The following PDE1C variants were observed in gnomAD, a reference collection of about 807,000 sequenced individuals.
PDE1C encodes phosphodiesterase 1C.
In PDE1C, 62 loss-of-function variants were observed where a neutral mutation model predicts 93.1. That is an observed-to-expected ratio of 0.67 (90% confidence interval 0.54 to 0.82). The LOEUF (loss-of-function observed/expected upper bound fraction) is 0.82. Ranked by LOEUF, PDE1C falls within the 40% of genes least tolerant of loss-of-function variation. The probability of loss-of-function intolerance (pLI) is 0.00; values close to 1 mark genes in which losing one functional copy is unlikely to be tolerated. For missense variants in PDE1C, 742 were observed against 884.6 expected, an observed-to-expected ratio of 0.84 and a Z score of 2.04; for synonymous variants, 325 against 310.1, an observed-to-expected ratio of 1.05 and a Z score of -0.50.
intron 1 of PDE1C, among the ~76,000 whole-genome samples, chr7:32,296,415 T>C (rs1014017002): frequency 6.6e-6 from 1 of 152,270 alleles, no homozygotes. Context: ...GTTTGCCGTG[T>C]GGCAGGCATT....
chr7:31,695,372 C>A, the PDE1C span: 1 of 1,141,988 alleles, frequency 8.8e-7, no homozygotes, highest in Non-Finnish European at 1.2e-6. Context: ...CAAATCACCT[C>A]TGTCCTGTCA....
At chr7:32,212,025 C>CAAAAAAAAAAAAAAA (rs35827566) in intron 1 of PDE1C, among the ~76,000 whole-genome samples, 10 of 81,190 alleles carry the variant, frequency 1.2e-4, no homozygotes, top group African/African-American at 1.8e-4. Context: ...GAACCTATCT[C>CAAAAAAAAAAAAAAA]AAAAAAAAAA....
chr7:32,286,808 C>T (rs1165503007), intron 1 of PDE1C, among the ~76,000 whole-genome samples: 3 of 152,204 alleles, frequency 2.0e-5, no homozygotes, highest in African/African-American at 7.2e-5. Context: ...GAGGTCATCT[C>T]TGGATAATGA....
At chr7:32,190,689 G>A (rs1185451731) in intron 2 of PDE1C, among the ~76,000 whole-genome samples, 1 of 152,082 alleles carries the variant, frequency 6.6e-6, no homozygotes, top group African/African-American at 2.4e-5. Context: ...GAACACCTAC[G>A]ATACACTGAC....
At chr7:32,303,481 C>G (rs971641252), upstream of PDE1C, among the ~76,000 whole-genome samples, 1 of 152,206 alleles carries the variant, frequency 6.6e-6, no homozygotes, top group African/African-American at 2.4e-5. Context: ...AAAACAGTCA[C>G]AGAAAGTCTG....
At chr7:32,154,090 C>CA (rs1584867603) in intron 3 of PDE1C, among the ~76,000 whole-genome samples, 1 of 152,020 alleles carries the variant, frequency 6.6e-6, no homozygotes, top group Non-Finnish European at 1.5e-5. Context: ...CCTGCCTGTA[C>CA]AAAAAATATT....
intron 3 of PDE1C, among the ~76,000 whole-genome samples, chr7:32,133,752 G>A (rs32308): frequency 0.013 from 2,032 of 152,114 alleles, 46 homozygotes; most frequent in African/African-American, 0.045. Context: ...TGTTCATAAC[G>A]TCCAGTATAT....
chr7:31,992,363 G>A (rs920282782), intron 2 of PDE1C, among the ~76,000 whole-genome samples: 2 of 152,234 alleles, frequency 1.3e-5, no homozygotes, highest in Non-Finnish European at 2.9e-5. Flanking sequence ...AGTACCTGGT[G>A]TTTCCAAGTG....
intron 2 of PDE1C, among the ~76,000 whole-genome samples, chr7:32,020,033 T>C (rs10230515): frequency 0.68 from 103,460 of 151,766 alleles, 35,752 homozygotes; most frequent in Middle Eastern, 0.78. Context: ...GAGAAGGGAA[T>C]AAAGAGGAAC....
intron 3 of PDE1C, among the ~76,000 whole-genome samples, chr7:32,108,709 G>T (rs1798480406): frequency 6.6e-6 from 1 of 152,164 alleles, no homozygotes; most frequent in Admixed American, 6.5e-5. Flanking sequence ...TGCACTGCAT[G>T]AATGTTCATG....
chr7:31,759,859 TTC>T (rs145067383), intron 17 of PDE1C, among the ~76,000 whole-genome samples: 124 of 149,654 alleles, frequency 8.3e-4, no homozygotes, highest in Middle Eastern at 6.8e-3. Context: ...CTATCTTTTG[TTC>T]TCTCTCTCTC....
intron 2 of PDE1C, among the ~76,000 whole-genome samples, chr7:32,003,349 C>T (rs960072235): frequency 8.4e-4 from 128 of 152,192 alleles, no homozygotes; most frequent in Non-Finnish European, 2.5e-4. Context: ...AATATCTCTG[C>T]GAATAGATGG....
rs890381776 is a variant in PDE1C at position 31,833,420 on chromosome 7, G to A, written c.1203+3760C>T. Among the ~76,000 whole-genome samples, 3 of 152,198 alleles carry A rather than the reference G, an allele frequency of 2.0e-5. No homozygotes were observed. The South Asian group carries it at 6.2e-4, about 32-fold the overall frequency. On this transcript the variant is annotated intron_variant, in intron 11 of 17. Coordinates refer to ENST00000396191, the MANE Select transcript of PDE1C (RefSeq NM_001191057.4). ...AAGCGACTTTAGAAGTGGGTAACAG[G>A]CAGAGGTTGGAACAGTTTGGAGAGC...
intron 2 of PDE1C, among the ~76,000 whole-genome samples, chr7:31,953,466 C>A (rs1217716513): frequency 2.0e-5 from 3 of 152,260 alleles, no homozygotes; most frequent in Non-Finnish European, 4.4e-5. Context: ...TTACAGGGAG[C>A]CACAAGTAGA....
intron 2 of PDE1C, among the ~76,000 whole-genome samples, chr7:31,882,568 G>A (rs1562966072): frequency 6.6e-6 from 1 of 152,064 alleles, no homozygotes; most frequent in Admixed American, 6.6e-5. Flanking sequence ...AAAAATGAGA[G>A]TAAAATTAAA....
intron 2 of PDE1C, among the ~76,000 whole-genome samples, chr7:31,982,983 T>C (rs1258329256): frequency 5.3e-5 from 8 of 152,228 alleles, no homozygotes; most frequent in Non-Finnish European, 1.0e-4. Context: ...CATTGCTTCA[T>C]AGCTCTTCTG....
the PDE1C span, chr7:31,643,733 G>C: frequency 6.8e-6 from 11 of 1,613,858 alleles, no homozygotes; most frequent in African/African-American, 1.3e-5. Context: ...CTAGACTCAG[G>C]CTTCTCTAGT....
At chr7:32,269,316 T>C (rs1810809012) in intron 1 of PDE1C, among the ~76,000 whole-genome samples, 1 of 152,102 alleles carries the variant, frequency 6.6e-6, no homozygotes, top group Admixed American at 6.5e-5. Flanking sequence ...ACCGACCACA[T>C]TTATGAGTAG....
chr7:32,014,406 G>C (rs1315120316), intron 2 of PDE1C, among the ~76,000 whole-genome samples: 1 of 152,150 alleles, frequency 6.6e-6, no homozygotes, highest in Non-Finnish European at 1.5e-5. Context: ...AGTTTGTGTA[G>C]AAGCATACAC....
Sources: gnomAD v4.1 joint callset for allele counts (sites outside exome capture counted in the v4.1 genomes callset) on GRCh38, gnomAD v4.1.1 for gene constraint, MANE v1.5 for transcripts, NCBI Gene and HGNC (gene_info 2026-07-23, HGNC 2026-07-21) for gene names.